TASOR: variants seen among roughly 807,000 people sequenced by gnomAD.
The protein encoded by TASOR is protein TASOR.
In TASOR, 53 loss-of-function variants were observed where a neutral mutation model predicts 178.6. The observed-to-expected ratio is 0.30, with a 90% CI of 0.24 to 0.37. The LOEUF (loss-of-function observed/expected upper bound fraction) is 0.37. TASOR is among the 10% of genes least tolerant of loss of function. The pLI, the probability that TASOR is intolerant of heterozygous loss-of-function variation, is 1.00. For missense variants in TASOR, 1,815 were observed against 1,971.4 expected (o/e 0.92, Z 1.50); for synonymous variants, 713 against 696.2 (o/e 1.02, Z -0.38).
intron 15 of TASOR, among the ~76,000 whole-genome samples, chr3:56,640,438 G>GTAC (rs1287547766): frequency 1.3e-5 from 2 of 152,094 alleles, no homozygotes; most frequent in African/African-American, 4.8e-5. Context: ...GGACACAGCT[G>GTAC]TACTCCAATA....
chr3:56,640,579 T>TAC (rs1223482648), intron 15 of TASOR, among the ~76,000 whole-genome samples: 1 of 152,040 alleles, frequency 6.6e-6, no homozygotes, highest in African/African-American at 2.4e-5. Flanking sequence ...CTACCTTACA[T>TAC]ACCCCAATAA....
intron 13 of TASOR, among the ~76,000 whole-genome samples, chr3:56,648,016 T>C (rs2077271616): frequency 6.6e-6 from 1 of 151,822 alleles, no homozygotes; most frequent in South Asian, 2.1e-4. Context: ...CTAGACAATA[T>C]AGTGAGATCC....
rs376429634 is a variant in TASOR at position 56,645,496 on chromosome 3, A to G, written c.2215+1026T>C. On this transcript the variant is annotated intron_variant, in intron 14 of 23. Coordinates refer to ENST00000683822, the MANE Select transcript of TASOR (RefSeq NM_001365635.2). The stretch of plus-strand genomic sequence containing the variant: ...CCATAATCAGAGGAGCAACAGTAAC[A>G]CAAAACGTGGATTGTTATGTCAACT... Among the ~76,000 whole-genome samples the G allele has an allele frequency of 1.6e-3, 237 of 152,356 alleles. 7 individuals are homozygous for G. The South Asian group carries it at 0.048, about 31-fold the overall frequency.
At position 56,682,734 on chromosome 3, in the gene TASOR, C is replaced by A. The variant is rs376896296; in HGVS notation, c.273G>T (p.Glu91Asp). Residue 91 changes from glutamate to aspartate, a missense_variant, in exon 1 of 24, where the codon GAG becomes GAT. Around this residue, in one of 5 missense-constraint regions of TASOR, gnomAD observed 244 missense variants for 202.7 expected, o/e 1.20. Transcript: ENST00000683822. ...GAAALPRGPE[E>D]PERPVRRSFQ... ...AACTCCTCCTAACAGGCCTTTCGGGCTCTTCGGGGCCTCTGGGCAGGGCGG... is the reference window on the plus strand; with the variant it reads ...AACTCCTCCTAACAGGCCTTTCGGGATCTTCGGGGCCTCTGGGCAGGGCGG... 1.3e-6 allele frequency: 2 copies of A among 1,511,064 alleles called. No homozygotes were observed. The highest frequency in any genetic ancestry group is 8.9e-7 in the Non-Finnish European group (1 of 1,128,480). 93.6% of individuals were successfully genotyped at this position (1,511,064 alleles called of 1,614,324 possible). A position where few individuals can be genotyped will look rare whatever the true frequency, so the allele number is the denominator to read the frequency against.
intron 5 of TASOR, among the ~76,000 whole-genome samples, chr3:56,669,173 G>A (rs2030392811): frequency 6.6e-6 from 1 of 152,018 alleles, no homozygotes; most frequent in Non-Finnish European, 1.5e-5. Flanking sequence ...TCTTTGGAAA[G>A]GAAAACAAAC....
chr3:56,627,411 T>G (rs1361777020), intron 20 of TASOR, among the ~76,000 whole-genome samples, 171 bp downstream of exon 20: 1 of 152,174 alleles, frequency 6.6e-6, no homozygotes, highest in Non-Finnish European at 1.5e-5. Flanking sequence ...TTACACCACA[T>G]TTAGAGGATA....
chr3:56,682,772 C>G lies in TASOR; in HGVS notation c.235G>C (p.Glu79Gln). 2 of 1,549,514 alleles carry G rather than the reference C, an allele frequency of 1.3e-6. No homozygotes were observed. The highest frequency in any genetic ancestry group is 1.7e-6 in the Non-Finnish European group (2 of 1,145,754). ...CTGGGCAGGGCGGCCGCGCCCGCCT[C>G]AGAGGAGTCCTGAGGCTGCTCGTGG... ...LSHEQPQDSS[E>Q]AGAAALPRGP... The change falls in exon 1 of 24, where the codon GAG (glutamate) becomes CAG (glutamine). Residue 79 changes from glutamate to glutamine, a missense_variant. Transcript: ENST00000683822.
At chr3:56,631,584 G>GTTTTTTTTTTTTT (rs932459148) in intron 18 of TASOR, among the ~76,000 whole-genome samples, 3 of 113,426 alleles carry the variant, frequency 2.6e-5, no homozygotes, top group African/African-American at 7.2e-5. Flanking sequence ...GTGTTTTTTT[G>GTTTTTTTTTTTTT]TTTTTTTTTT....
chr3:56,676,879 A>C (rs2031347403), intron 1 of TASOR, among the ~76,000 whole-genome samples: 1 of 152,230 alleles, frequency 6.6e-6, no homozygotes, highest in Non-Finnish European at 1.5e-5. Flanking sequence ...TGACAGGAAA[A>C]AAATTATTGC....
Position 56,682,979 on chromosome 3 carries a change from A to C in TASOR, c.28T>G (p.Cys10Gly). 6.5e-7 allele frequency: 1 copy of C among 1,548,866 alleles called. No homozygotes were observed. Among genetic ancestry groups the C allele is most frequent in the Non-Finnish European group, 8.7e-7 (1 of 1,146,074 alleles). MATAVETEA[C>G]QPTDASWESG... ...TCCCAACTCGCATCCGTCGGCTGAC[A>C]GGCCTCCGTCTCCACAGCAGTCGCC... Residue 10 changes from cysteine (C) to glycine (G), a missense_variant, in exon 1 of 24, where the codon TGT (cysteine) becomes GGT (glycine). Physicochemically the swap from Cys to Gly is radical, Grantham distance 159. Coordinates refer to ENST00000683822, the MANE Select transcript of TASOR (RefSeq NM_001365635.2).
intron 1 of TASOR, among the ~76,000 whole-genome samples, chr3:56,677,433 A>G (rs1398503550): frequency 6.6e-6 from 1 of 152,196 alleles, no homozygotes; most frequent in Non-Finnish European, 1.5e-5. Context: ...TATCATCTCA[A>G]TCATCAAAAC....
chr3:56,636,989 T>C (rs532936563), intron 17 of TASOR, among the ~76,000 whole-genome samples: 6 of 152,036 alleles, frequency 3.9e-5, no homozygotes, highest in Non-Finnish European at 5.9e-5. Flanking sequence ...CTGGCCAACA[T>C]GGTAAAACCC....
chr3:56,655,460 C>T (rs2077450144), intron 11 of TASOR, among the ~76,000 whole-genome samples: 1 of 151,956 alleles, frequency 6.6e-6, no homozygotes, highest in African/African-American at 2.4e-5. Flanking sequence ...AGACTAACGA[C>T]AATAATTAAT....
In TASOR at chr3:56,663,433, T is replaced by C. The variant is rs552937749; in HGVS notation, c.1054+108A>G. 63 of 650,606 alleles carry C rather than the reference T, an allele frequency of 9.7e-5. 1 individual carries two copies. The South Asian group carries it at 1.9e-3, about 20-fold the overall frequency. 40.3% of individuals were successfully genotyped at this position (650,606 alleles called of 1,614,324 possible). On this transcript the variant is annotated intron_variant, in intron 8 of 23. Transcript: ENST00000683822. ...GCTGATGCTACATTATAACTTTTCA[T>C]ACTTTGCAGATTTTCATTCATTATA...
chr3:56,681,087 T>TA (rs11310490), intron 1 of TASOR, among the ~76,000 whole-genome samples: 4,971 of 117,850 alleles, frequency 0.042, 208 homozygotes, highest in African/African-American at 0.12. Flanking sequence ...TAACAAACAG[T>TA]AAAAAAAAAA....
intron 11 of TASOR, among the ~76,000 whole-genome samples, chr3:56,659,859 T>A (rs537866589): frequency 1.3e-5 from 2 of 152,054 alleles, no homozygotes; most frequent in African/African-American, 4.8e-5. Context: ...ACTGAGTTTA[T>A]TGTTCTTGGA....
At chr3:56,681,492 T>C (rs950640424) in intron 1 of TASOR, among the ~76,000 whole-genome samples, 12 of 152,166 alleles carry the variant, frequency 7.9e-5, no homozygotes, top group African/African-American at 2.7e-4. Context: ...TCCAAACAAA[T>C]GAACTTTATT....
At chr3:56,639,425 A>T (rs190961459) in intron 16 of TASOR, among the ~76,000 whole-genome samples, 88 of 152,150 alleles carry the variant, frequency 5.8e-4, no homozygotes, top group Middle Eastern at 3.4e-3. Flanking sequence ...AAAAAAAAAG[A>T]TAATATTTCA....
In TASOR at chr3:56,669,692, T is replaced by C. The variant is rs1171405348; in HGVS notation, c.735+8A>G. ...TTTTCATACATGAAGTGTGTAAGTT[T>C]AAATTACCTTCATTATTTTAAAAAT... On this transcript the variant is annotated splice_region_variant and intron_variant, in intron 5 of 23. Transcript: ENST00000683822. 1 of 1,511,312 alleles carries C rather than the reference T, an allele frequency of 6.6e-7. No individual in the cohort carries two copies. 93.6% of individuals were successfully genotyped at this position (1,511,312 alleles called of 1,614,324 possible). A position where few individuals can be genotyped will look rare whatever the true frequency, so the allele number is the denominator to read the frequency against.
Sources: gnomAD v4.1 joint callset for allele counts (sites outside exome capture counted in the v4.1 genomes callset) on GRCh38, gnomAD v4.1.1 for gene constraint, gnomAD v4.1.1 regional missense constraint, MANE v1.5 for transcripts, NCBI Gene and HGNC (gene_info 2026-07-23, HGNC 2026-07-21) for gene names.